The following SYN3 variants were observed in gnomAD, a reference collection of about 807,000 sequenced individuals.
SYN3 encodes the protein synapsin-3.
In SYN3, 35 loss-of-function variants were observed where a neutral mutation model predicts 65.8. The observed-to-expected ratio is 0.53, with a 90% CI of 0.41 to 0.70. The LOEUF is 0.70. SYN3 is among the 30% of genes least tolerant of loss of function. SYN3 has a pLI of 0.00. For missense variants in SYN3, 680 were observed against 749.0 expected (o/e 0.91, Z 1.08); for synonymous variants, 270 against 292.9 (o/e 0.92, Z 0.80).
intron 6 of SYN3, among the ~76,000 whole-genome samples, chr22:32,610,999 C>T (rs2146683541): frequency 6.6e-6 from 1 of 152,302 alleles, no homozygotes; most frequent in Middle Eastern, 3.4e-3. Context: ...TTTGGAATGA[C>T]CTGGATATGT....
At chr22:32,560,523 C>G (rs1277783466) in intron 7 of SYN3, among the ~76,000 whole-genome samples, 1 of 152,116 alleles carries the variant, frequency 6.6e-6, no homozygotes, top group East Asian at 1.9e-4. Flanking sequence ...CCTATCCTGT[C>G]GATTCCAGGC....
At position 32,949,529 on chromosome 22, in the gene SYN3, C is replaced by A. The variant is rs144905001; in HGVS notation, c.370-18048G>T. 3.6e-3 allele frequency among the ~76,000 whole-genome samples: 553 copies of A among 152,164 alleles called. 3 individuals are homozygous for A. Among genetic ancestry groups the A allele is most frequent in the African/African-American group, 0.013 (529 of 41,494 alleles). On this transcript the variant is annotated intron_variant, in intron 3 of 13. Transcript: ENST00000358763. ...TTAAACTCGTGTCCAGTTTCAGGAA[C>A]ACGCCCACACACCCACACACACGCA...
intron 6 of SYN3, among the ~76,000 whole-genome samples, chr22:32,606,955 C>A (rs1358971618): frequency 6.6e-6 from 1 of 151,692 alleles, no homozygotes; most frequent in Non-Finnish European, 1.5e-5. Context: ...GTGTGCTGCA[C>A]CCATTAACTC....
chr22:33,038,971 G>A (rs1396484073), intron 1 of SYN3, among the ~76,000 whole-genome samples: 1 of 152,188 alleles, frequency 6.6e-6, no homozygotes, highest in South Asian at 2.1e-4. Context: ...CAGCAGAGCG[G>A]AGAGTTCTGG....
At position 32,511,132 on chromosome 22, in the gene SYN3, A is replaced by G. The variant is rs1282253812; in HGVS notation, c.*2560T>C. On this transcript the variant is annotated 3_prime_UTR_variant, in exon 14 of 14. Transcript: ENST00000358763. ...ACTTTAAAAGGTACCCACATCTGAT[A>G]TTTTGAATTTCACCTCCCGTCTCTT... 1.3e-5 allele frequency among the ~76,000 whole-genome samples: 2 copies of G among 152,100 alleles called. No homozygotes were observed. The highest frequency in any genetic ancestry group is 6.6e-5 in the Admixed American group (1 of 15,262).
chr22:32,846,159 G>C (rs1369977154), intron 6 of SYN3, among the ~76,000 whole-genome samples: 5 of 152,236 alleles, frequency 3.3e-5, no homozygotes, highest in Non-Finnish European at 7.3e-5. Context: ...AACCATGACT[G>C]TGATCTTGTT....
At chr22:32,727,455 G>A (rs528886147) in intron 6 of SYN3, among the ~76,000 whole-genome samples, 64 of 152,300 alleles carry the variant, frequency 4.2e-4, no homozygotes, top group African/African-American at 1.5e-3. Flanking sequence ...TGTGAATAGT[G>A]CTGCATACAC....
intron 7 of SYN3, among the ~76,000 whole-genome samples, chr22:32,558,304 G>A (rs990757485): frequency 6.6e-6 from 1 of 152,220 alleles, no homozygotes; most frequent in Non-Finnish European, 1.5e-5. Context: ...GCTTTGTGAA[G>A]GATTAAAGAC....
At chr22:32,604,592 C>T (rs536045592) in intron 6 of SYN3, among the ~76,000 whole-genome samples, 24 of 151,966 alleles carry the variant, frequency 1.6e-4, no homozygotes, top group Admixed American at 9.8e-4. Flanking sequence ...CTCATGTCTC[C>T]GCTGAAATTC....
intron 4 of SYN3, among the ~76,000 whole-genome samples, chr22:32,930,045 T>C (rs753568017): frequency 6.6e-6 from 1 of 152,194 alleles, no homozygotes; most frequent in African/African-American, 2.4e-5. Flanking sequence ...CCACCGTTAC[T>C]GGAAATAGGA....
intron 3 of SYN3, among the ~76,000 whole-genome samples, chr22:32,949,392 G>T (rs1030302286): frequency 3.9e-5 from 6 of 151,938 alleles, no homozygotes; most frequent in Non-Finnish European, 7.4e-5. Flanking sequence ...CTCCGGCCTG[G>T]GAGACAGAGC....
intron 6 of SYN3, among the ~76,000 whole-genome samples, chr22:32,857,639 C>T (rs1362643874): frequency 6.6e-6 from 1 of 152,192 alleles, no homozygotes; most frequent in Non-Finnish European, 1.5e-5. Flanking sequence ...ATCTGTTCCT[C>T]TCCACCTCAC....
chr22:32,535,107 G>T (rs894413823), intron 9 of SYN3, among the ~76,000 whole-genome samples: 1 of 152,134 alleles, frequency 6.6e-6, no homozygotes, highest in Non-Finnish European at 1.5e-5. Context: ...TACTGATGGA[G>T]GAACAGGCTC....
intron 6 of SYN3, among the ~76,000 whole-genome samples, chr22:32,854,174 A>G (rs917502043): frequency 6.6e-6 from 1 of 152,330 alleles, no homozygotes; most frequent in African/African-American, 2.4e-5. Flanking sequence ...AACACAACTG[A>G]GTAGAATCTA....
intron 6 of SYN3, among the ~76,000 whole-genome samples, chr22:32,676,887 C>A (rs1294438897): frequency 2.0e-5 from 3 of 152,084 alleles, no homozygotes; most frequent in African/African-American, 7.2e-5. Context: ...AGGCCTTGTG[C>A]GGCCAGCTCT....
At chr22:32,694,958 T>C (rs1433834731) in intron 6 of SYN3, among the ~76,000 whole-genome samples, 1 of 152,228 alleles carries the variant, frequency 6.6e-6, no homozygotes, top group African/African-American at 2.4e-5. Context: ...TACCTGTTCC[T>C]TTTGGCACTA....
intron 1 of SYN3, among the ~76,000 whole-genome samples, chr22:33,028,372 C>A (rs1014463918): frequency 2.6e-5 from 4 of 152,224 alleles, no homozygotes; most frequent in African/African-American, 9.6e-5. Context: ...TGCTAATGCG[C>A]ACCAGCTTCA....
At chr22:32,932,330 T>A (rs547153621) in intron 3 of SYN3, among the ~76,000 whole-genome samples, 3 of 150,684 alleles carry the variant, frequency 2.0e-5, no homozygotes, top group Non-Finnish European at 4.4e-5. Flanking sequence ...TGTTTGTTCA[T>A]TGACATACTG....
chr22:32,880,882 G>C (rs2049114839), intron 4 of SYN3, among the ~76,000 whole-genome samples: 1 of 152,254 alleles, frequency 6.6e-6, no homozygotes, highest in Non-Finnish European at 1.5e-5. Flanking sequence ...CCAGCACCCA[G>C]CATGGCAATT....
Sources: gnomAD v4.1 joint callset for allele counts (sites outside exome capture counted in the v4.1 genomes callset) on GRCh38, gnomAD v4.1.1 for gene constraint, MANE v1.5 for transcripts, NCBI Gene and HGNC (gene_info 2026-07-23, HGNC 2026-07-21) for gene names.